The following HS3ST4 variants were observed in gnomAD, a reference collection of about 807,000 sequenced individuals.
The protein encoded by HS3ST4 is heparan sulfate-glucosamine 3-sulfotransferase 4.
A neutral mutation model predicts 29.2 loss-of-function variants in HS3ST4; 17 were observed. That is an observed-to-expected ratio of 0.58 (90% confidence interval 0.40 to 0.87). HS3ST4 has a LOEUF of 0.87. HS3ST4 is among the 40% of genes least tolerant of loss of function. HS3ST4 has a pLI of 0.00. For missense variants in HS3ST4, 627 were observed against 634.5 expected (o/e 0.99, Z 0.13); for synonymous variants, 314 against 285.7 (o/e 1.10, Z -1.00).
At chr16:26,042,358 G>C (rs949294299) in intron 1 of HS3ST4, among the ~76,000 whole-genome samples, 4 of 144,816 alleles carry the variant, frequency 2.8e-5, no homozygotes, top group African/African-American at 1.1e-4. Flanking sequence ...TTATCTCTGT[G>C]TGTGTGTGTG....
intron 1 of HS3ST4, among the ~76,000 whole-genome samples, chr16:25,811,422 C>CTTTTT (rs5816324): frequency 3.9e-5 from 5 of 129,048 alleles, no homozygotes; most frequent in Admixed American, 9.0e-5. Context: ...TTTTCTTCTT[C>CTTTTT]TTTTTTTTTT....
chr16:25,980,310 A>G lies in HS3ST4; in HGVS notation c.735-155302A>G, dbSNP rs188503601. Among the ~76,000 whole-genome samples the G allele has an allele frequency of 4.7e-3, 723 of 152,230 alleles. 9 individuals carry two copies. The highest frequency in any genetic ancestry group is 0.017 in the African/African-American group (688 of 41,536). On this transcript the variant is annotated intron_variant, in intron 1 of 1. Coordinates refer to ENST00000331351, the MANE Select transcript of HS3ST4 (RefSeq NM_006040.3). ...TCCTGGGACACACCTGTTCCCTATC[A>G]TTCCCTGCTTCTCCTGGATAATGTC... is the stretch of plus-strand genomic sequence containing the variant.
At chr16:25,847,011 G>T (rs1232052912) in intron 1 of HS3ST4, among the ~76,000 whole-genome samples, 1 of 112,418 alleles carries the variant, frequency 8.9e-6, no homozygotes, top group African/African-American at 3.6e-5. Flanking sequence ...CCATCAACAC[G>T]AGTTTTTTTT....
intron 1 of HS3ST4, among the ~76,000 whole-genome samples, chr16:26,103,284 A>T (rs75974377): frequency 0.046 from 6,990 of 152,258 alleles, 238 homozygotes; most frequent in Middle Eastern, 0.12. Context: ...CAAAACACAA[A>T]GTAAATTGCA....
intron 1 of HS3ST4, among the ~76,000 whole-genome samples, chr16:25,990,936 C>A (rs1221114119): frequency 2.0e-5 from 3 of 152,194 alleles, no homozygotes; most frequent in Non-Finnish European, 4.4e-5. Context: ...GGCTTGTTGT[C>A]TTCCTTCTTA....
At chr16:26,078,177 G>A (rs1269115527) in intron 1 of HS3ST4, among the ~76,000 whole-genome samples, 1 of 152,164 alleles carries the variant, frequency 6.6e-6, no homozygotes, top group African/African-American at 2.4e-5. Flanking sequence ...GTCTCACTGT[G>A]TCCCTCAGGC....
chr16:26,043,195 G>A (rs1420041939), intron 1 of HS3ST4, among the ~76,000 whole-genome samples: 2 of 152,198 alleles, frequency 1.3e-5, no homozygotes, highest in Admixed American at 1.3e-4. Context: ...CACACACAGA[G>A]ATTTGAAAAG....
intron 1 of HS3ST4, among the ~76,000 whole-genome samples, chr16:25,898,601 C>A (rs4371161): frequency 1.3e-5 from 2 of 152,082 alleles, no homozygotes; most frequent in African/African-American, 4.8e-5. Flanking sequence ...GATTAAAATA[C>A]AATAAATTAT....
intron 1 of HS3ST4, among the ~76,000 whole-genome samples, chr16:26,129,751 A>T (rs1289352658): frequency 6.6e-6 from 1 of 152,164 alleles, no homozygotes; most frequent in Non-Finnish European, 1.5e-5. Flanking sequence ...GGAGTCTCTG[A>T]TCTTAACTAC....
At chr16:26,034,190 A>G (rs1020741132) in intron 1 of HS3ST4, among the ~76,000 whole-genome samples, 1 of 152,158 alleles carries the variant, frequency 6.6e-6, no homozygotes, top group East Asian at 1.9e-4. Flanking sequence ...CAAGGGAGCG[A>G]CTGGATGAGG....
At chr16:26,088,826 T>C (rs1316192182) in intron 1 of HS3ST4, among the ~76,000 whole-genome samples, 1 of 152,240 alleles carries the variant, frequency 6.6e-6, no homozygotes, top group African/African-American at 2.4e-5. Flanking sequence ...TCTCTCAGTG[T>C]CAGATGCTTT....
chr16:25,799,798 A>T (rs777170402), intron 1 of HS3ST4, among the ~76,000 whole-genome samples: 1 of 151,254 alleles, frequency 6.6e-6, no homozygotes, highest in African/African-American at 2.5e-5. Flanking sequence ...CTTAATGTTG[A>T]TAGTTCTGTC....
At chr16:26,040,089 C>T (rs188166308) in intron 1 of HS3ST4, among the ~76,000 whole-genome samples, 18 of 152,310 alleles carry the variant, frequency 1.2e-4, no homozygotes, top group Middle Eastern at 3.4e-3. Flanking sequence ...TTCGCATGAA[C>T]GCACAATATT....
At chr16:26,015,956 A>G (rs1969358669) in intron 1 of HS3ST4, among the ~76,000 whole-genome samples, 1 of 152,104 alleles carries the variant, frequency 6.6e-6, no homozygotes, top group Non-Finnish European at 1.5e-5. Context: ...GGGGTGTGCT[A>G]CTGAAATCTA....
chr16:25,796,593 C>T (rs1966887429), intron 1 of HS3ST4, among the ~76,000 whole-genome samples: 1 of 152,160 alleles, frequency 6.6e-6, no homozygotes, highest in South Asian at 2.1e-4. Context: ...TTGGGTTTTA[C>T]ATCTACCACT....
At chr16:26,092,438 T>G (rs1898868981) in intron 1 of HS3ST4, among the ~76,000 whole-genome samples, 1 of 152,148 alleles carries the variant, frequency 6.6e-6, no homozygotes, top group Non-Finnish European at 1.5e-5. Flanking sequence ...TGATGATTCA[T>G]CAGATCTGGC....
At chr16:25,908,316 A>G (rs1968199536) in intron 1 of HS3ST4, among the ~76,000 whole-genome samples, 2 of 152,194 alleles carry the variant, frequency 1.3e-5, no homozygotes, top group South Asian at 4.1e-4. Context: ...CCATGAACTG[A>G]CCCTTCCTTC....
intron 1 of HS3ST4, among the ~76,000 whole-genome samples, chr16:26,012,935 C>G (rs190780998): frequency 6.6e-6 from 1 of 151,996 alleles, no homozygotes. Flanking sequence ...GAGGCCGAGG[C>G]GGGCAGATCA....
intron 1 of HS3ST4, among the ~76,000 whole-genome samples, chr16:25,932,374 A>G (rs1968472748): frequency 2.0e-5 from 3 of 152,150 alleles, no homozygotes; most frequent in Non-Finnish European, 2.9e-5. Context: ...ACAAATTGCA[A>G]TGGGGCAATA....
Sources: gnomAD v4.1 joint callset for allele counts (sites outside exome capture counted in the v4.1 genomes callset) on GRCh38, gnomAD v4.1.1 for gene constraint, MANE v1.5 for transcripts, NCBI Gene and HGNC (gene_info 2026-07-23, HGNC 2026-07-21) for gene names.